Variants in BBS9 observed in about 807,000 individuals in gnomAD.
BBS9 encodes the protein Bardet-Biedl syndrome 9.
Under a neutral mutation model 117.7 loss-of-function variants are expected in BBS9, and 89 were observed. The observed-to-expected ratio is 0.76, with a 90% CI of 0.64 to 0.90. BBS9 has a LOEUF of 0.90. Ranked by LOEUF, BBS9 falls within the 40% of genes least tolerant of loss-of-function variation. BBS9 has a pLI of 0.00. For synonymous variants in BBS9, 379 were observed against 370.9 expected (o/e 1.02, Z -0.25); for missense variants, 982 against 1,042.2 (o/e 0.94, Z 0.80).
chr7:33,372,225 T>C (rs1417313415), intron 17 of BBS9, among the ~76,000 whole-genome samples: 1 of 152,142 alleles, frequency 6.6e-6, no homozygotes, highest in Non-Finnish European at 1.5e-5. Flanking sequence ...ACTGGATTGC[T>C]AAAGTGGAGA....
chr7:33,218,892 A>G (rs534071806), intron 5 of BBS9, among the ~76,000 whole-genome samples: 139 of 152,342 alleles, frequency 9.1e-4, no homozygotes, highest in Middle Eastern at 3.4e-3. Context: ...GGAGCCCTTC[A>G]GCCCACCACT....
intron 21 of BBS9, among the ~76,000 whole-genome samples, chr7:33,540,221 A>C (rs1852058116): frequency 6.6e-6 from 1 of 152,240 alleles, no homozygotes; most frequent in Non-Finnish European, 1.5e-5. Context: ...GAAACTGGCC[A>C]ACCATTTGGA....
intron 21 of BBS9, among the ~76,000 whole-genome samples, chr7:33,581,554 A>G (rs1046837433): frequency 1.3e-5 from 2 of 152,138 alleles, no homozygotes; most frequent in African/African-American, 2.4e-5. Flanking sequence ...TTACCTGAAC[A>G]GCCTTCAGTA....
intron 21 of BBS9, among the ~76,000 whole-genome samples, chr7:33,628,277 T>C (rs1865734700): frequency 6.6e-6 from 1 of 152,128 alleles, no homozygotes; most frequent in Non-Finnish European, 1.5e-5. Context: ...ATGTCCCTCA[T>C]GAATACAGAT....
At chr7:33,631,022 C>T (rs1042922777) in intron 21 of BBS9, among the ~76,000 whole-genome samples, 3 of 152,114 alleles carry the variant, frequency 2.0e-5, no homozygotes, top group Admixed American at 6.5e-5. Context: ...GGAGTGCTAC[C>T]GAGGCAAAGC....
chr7:33,606,554 G>A (rs1339661404), downstream of BBS9, among the ~76,000 whole-genome samples: 2 of 152,152 alleles, frequency 1.3e-5, no homozygotes, highest in South Asian at 2.1e-4. Context: ...CCTAATCAGA[G>A]TAAGATGCCT....
intron 5 of BBS9, among the ~76,000 whole-genome samples, chr7:33,234,307 A>T (rs1583786925): frequency 6.6e-6 from 1 of 152,006 alleles, no homozygotes; most frequent in African/African-American, 2.4e-5. Context: ...TGGATAGGGG[A>T]GACTGCTATA....
At chr7:33,224,150 T>C (rs1359697189) in intron 5 of BBS9, among the ~76,000 whole-genome samples, 1 of 152,208 alleles carries the variant, frequency 6.6e-6, no homozygotes, top group Non-Finnish European at 1.5e-5. Flanking sequence ...ACTACATTCA[T>C]TGGACATATT....
intron 6 of BBS9, among the ~76,000 whole-genome samples, chr7:33,261,602 T>C (rs1253845267): frequency 6.6e-6 from 1 of 152,200 alleles, no homozygotes; most frequent in Non-Finnish European, 1.5e-5. Context: ...GACAGTTCTG[T>C]TTATTTTGAA....
rs924130132 is a variant in BBS9 at position 33,388,084 on chromosome 7, A to T, written c.2055A>T (p.Lys685Asn). ...AIQRRLLARFKDKTPAPLQHL... is the reference protein window; with the variant it reads ...AIQRRLLARFNDKTPAPLQHL... ...AACGCCGGCTACTAGCAAGATTCAA[A>T]GATAAAACTCCTGCCCCTCTTCAAC... The change falls in exon 19 of 23, where the codon AAA (lysine) becomes AAT (asparagine). Residue 685 changes from lysine (K) to asparagine (N), a missense_variant. Physicochemically the swap from Lys to Asn is moderately conservative, Grantham distance 94. Coordinates refer to ENST00000242067, the MANE Select transcript of BBS9 (RefSeq NM_198428.3). 2 of 1,614,048 alleles carry T rather than the reference A, an allele frequency of 1.2e-6. No homozygotes were observed. The highest frequency in any genetic ancestry group is 2.7e-5 in the African/African-American group (2 of 74,946).
At chr7:33,517,125 T>G (rs868067178) in intron 20 of BBS9, among the ~76,000 whole-genome samples, 70 of 152,330 alleles carry the variant, frequency 4.6e-4, no homozygotes, top group African/African-American at 1.5e-3. Context: ...TTCTCTATTT[T>G]GTAAAGAAAA....
chr7:33,149,658 C>T (rs1792990512), intron 2 of BBS9, among the ~76,000 whole-genome samples: 1 of 150,182 alleles, frequency 6.7e-6, no homozygotes, highest in Non-Finnish European at 1.5e-5. Context: ...GAGTAGAGAG[C>T]AAATAAGACT....
At chr7:33,447,951 G>A (rs1320189802) in intron 19 of BBS9, among the ~76,000 whole-genome samples, 1 of 152,158 alleles carries the variant, frequency 6.6e-6, no homozygotes, top group Non-Finnish European at 1.5e-5. Flanking sequence ...CTAGTGGAGA[G>A]GGGATTGGGT....
At chr7:33,234,386 G>T (rs1793079954) in intron 5 of BBS9, among the ~76,000 whole-genome samples, 1 of 151,934 alleles carries the variant, frequency 6.6e-6, no homozygotes, top group Non-Finnish European at 1.5e-5. Context: ...TTTACAACTT[G>T]ATGATTTGAT....
intron 5 of BBS9, among the ~76,000 whole-genome samples, chr7:33,230,256 G>C (rs1236210490): frequency 6.6e-6 from 1 of 152,070 alleles, no homozygotes; most frequent in Non-Finnish European, 1.5e-5. Context: ...TAGTTTGACT[G>C]TAGTCTGATT....
At chr7:33,255,711 G>A (rs1234731729) in intron 5 of BBS9, among the ~76,000 whole-genome samples, 1 of 152,126 alleles carries the variant, frequency 6.6e-6, no homozygotes, top group Non-Finnish European at 1.5e-5. Flanking sequence ...TTGCAGACAG[G>A]TAGGTTTGCC....
chr7:33,267,646 C>T (rs1799048974), intron 7 of BBS9, among the ~76,000 whole-genome samples: 1 of 152,080 alleles, frequency 6.6e-6, no homozygotes, highest in South Asian at 2.1e-4. Context: ...TTCCTACCTT[C>T]CAGTCTTTGT....
At chr7:33,478,461 T>A (rs1444992247) in intron 19 of BBS9, among the ~76,000 whole-genome samples, 1 of 152,202 alleles carries the variant, frequency 6.6e-6, no homozygotes, top group Admixed American at 6.5e-5. Context: ...ATTCTTACAT[T>A]TCTTATAGAA....
At chr7:33,409,452 A>C (rs1375644059) in intron 19 of BBS9, among the ~76,000 whole-genome samples, 2 of 152,040 alleles carry the variant, frequency 1.3e-5, no homozygotes. Flanking sequence ...TGTGTTAAAG[A>C]TTGATGGTTA....
Sources: gnomAD v4.1 joint callset for allele counts (sites outside exome capture counted in the v4.1 genomes callset) on GRCh38, gnomAD v4.1.1 for gene constraint, MANE v1.5 for transcripts, NCBI Gene and HGNC (gene_info 2026-07-23, HGNC 2026-07-21) for gene names.